The following LONRF3 variants were observed in gnomAD, a reference collection of about 807,000 sequenced individuals.
LONRF3 encodes LON peptidase N-terminal domain and RING finger protein 3.
In LONRF3, 19 loss-of-function variants were observed where a neutral mutation model predicts 51.7. That is an observed-to-expected ratio of 0.37 (90% CI 0.26 to 0.54). LONRF3 has a LOEUF of 0.54. Among genes scored for constraint, LONRF3 ranks in the 20% least tolerant of loss-of-function variants. The pLI is 0.86. For synonymous variants in LONRF3, 265 were observed against 257.8 expected (o/e 1.03, Z -0.27); for missense variants, 521 against 623.9 (o/e 0.84, Z 1.76).
Position 119,014,200 on chromosome X carries a change from C to G in LONRF3, c.1975-7C>G. 1 of 1,199,190 alleles carries G rather than the reference C, an allele frequency of 8.3e-7. No homozygotes were observed. Among genetic ancestry groups the G allele is most frequent in the Non-Finnish European group, 1.1e-6 (1 of 889,868 alleles). On this transcript the variant is annotated splice_region_variant and splice_polypyrimidine_tract_variant and intron_variant, in intron 9 of 10. Transcript: ENST00000371628. ...AGAATGTTTCACTTCCACTTTGATACTTTCAGGTTCAGGGAGAGGATTGTG... is the reference window on the plus strand; with the variant it reads ...AGAATGTTTCACTTCCACTTTGATAGTTTCAGGTTCAGGGAGAGGATTGTG...
chrX:118,993,962 C>A (rs1042133722), intron 5 of LONRF3, among the ~76,000 whole-genome samples: 6 of 112,020 alleles, frequency 5.4e-5, no homozygotes. Context: ...CATTTTCAGA[C>A]AAACAAATGC....
chrX:118,986,783 TG>T, intron 3 of LONRF3: 1 of 462,010 alleles, frequency 2.2e-6, no homozygotes, highest in Non-Finnish European at 3.6e-6. Flanking sequence ...TGCCCTGGTG[TG>T]GTGTGTTAGG....
rs1338660294 is a variant in LONRF3 at position 118,990,480 on chromosome X, T to C, written c.1335T>C (p.Thr445=). 8.3e-7 allele frequency: 1 copy of C among 1,209,836 alleles called. No individual in the cohort carries two copies. The highest frequency in any genetic ancestry group is 3.0e-5 in the East Asian group (1 of 33,852). Residue 445 remains threonine (T), a synonymous_variant, in exon 5 of 11, where the codon ACT becomes ACC. Transcript: ENST00000371628. Reference sequence around the variant, plus strand: ...CTTTCTAAATCGCAGATCCTCCCACTGATCAGGGGGACAAACCTGCTCTCA... The same window carrying C: ...CTTTCTAAATCGCAGATCCTCCCACCGATCAGGGGGACAAACCTGCTCTCA... The part of the protein sequence containing the change: ...PNKASKQDPP[T]DQGDKPALSL...
Position 118,978,273 on chromosome X carries a change from T to C in LONRF3, c.818-72T>C, listed in dbSNP as rs2147264692. ...AAACTTATCATTTGCTCAAGATCCA[T>C]ACTCATACAGGACTTAACACCTGCT... On this transcript the variant is annotated intron_variant, in intron 1 of 10. Coordinates refer to ENST00000371628, the MANE Select transcript of LONRF3 (RefSeq NM_001031855.3). 4.7e-6 allele frequency: 3 copies of C among 635,862 alleles called. No individual in the cohort carries two copies. In the East Asian group the frequency reaches 9.7e-5, roughly 21 times the overall value. The allele number at this position is 635,862 out of a possible 1,213,427, so 52.4% of individuals were successfully genotyped here.
At position 118,974,900 on chromosome X, in the gene LONRF3, G is replaced by T. The variant is rs755944086; in HGVS notation, c.120G>T (p.Lys40Asn). Reference protein sequence around the residue: ...AAQVDMGPHPKVAAEGPAPLP... With the variant: ...AAQVDMGPHPNVAAEGPAPLP... ...AAGTAGACATGGGCCCCCACCCAAA[G>T]GTGGCTGCAGAGGGCCCCGCACCTC... is the stretch of plus-strand genomic sequence containing the variant. The change falls in exon 1 of 11, where the codon AAG becomes AAT. Residue 40 changes from lysine to asparagine, a missense_variant. Transcript: ENST00000371628. The T allele has an allele frequency of 2.8e-5, 33 of 1,194,771 alleles. No homozygotes were observed. Among genetic ancestry groups the T allele is most frequent in the Non-Finnish European group, 3.7e-5 (33 of 887,557 alleles).
chrX:118,989,765 A>AGGCTCTGGGTGTGGGGCCC, intron 4 of LONRF3, 93 bp downstream of exon 4: 3 of 984,935 alleles, frequency 3.0e-6, no homozygotes, highest in Non-Finnish European at 4.1e-6. Context: ...GGGGCTCCTT[A>AGGCTCTGGGTGTGGGGCCC]GGCTCTGGGT....
intron 5 of LONRF3, among the ~76,000 whole-genome samples, chrX:119,005,664 C>T (rs1016642073): frequency 9.0e-6 from 1 of 111,638 alleles, no homozygotes; most frequent in African/African-American, 3.3e-5. Context: ...CGGTTTTTTT[C>T]CATGGTAATA....
intron 4 of LONRF3, among the ~76,000 whole-genome samples, chrX:118,990,260 T>C (rs942460749): frequency 6.3e-5 from 7 of 111,750 alleles, no homozygotes; most frequent in Non-Finnish European, 1.1e-4. Context: ...TTGACTTGCA[T>C]TTCTCTTTCT....
intron 6 of LONRF3, among the ~76,000 whole-genome samples, chrX:119,007,673 G>A (rs1420223773): frequency 2.7e-5 from 3 of 111,727 alleles, no homozygotes; most frequent in African/African-American, 6.5e-5. Context: ...CATCACCCCA[G>A]TATTTAAATT....
At chrX:118,999,027 G>A (rs188976057) in intron 5 of LONRF3, among the ~76,000 whole-genome samples, 1 of 112,439 alleles carries the variant, frequency 8.9e-6, no homozygotes, top group Non-Finnish European at 1.9e-5. Flanking sequence ...ATATTTCCTC[G>A]CCCTTTATGA....
chrX:119,000,100 T>G lies in LONRF3; in HGVS notation c.1416-6021T>G, dbSNP rs948407626. On this transcript the variant is annotated intron_variant, in intron 5 of 10. Coordinates refer to ENST00000371628, the MANE Select transcript of LONRF3 (RefSeq NM_001031855.3). ...TTTTGATTCCACCTCTCCAGTGTTTTTCTTCTCTTTCTTGTTGTTAGGAAT... is the reference window on the plus strand; with the variant it reads ...TTTTGATTCCACCTCTCCAGTGTTTGTCTTCTCTTTCTTGTTGTTAGGAAT... Among the ~76,000 whole-genome samples the G allele has an allele frequency of 2.7e-5, 3 of 112,155 alleles. No individual in the cohort carries two copies. The Admixed American group carries it at 2.8e-4, about 11-fold the overall frequency.
intron 5 of LONRF3, among the ~76,000 whole-genome samples, chrX:119,001,609 G>A (rs979906825): frequency 9.0e-6 from 1 of 111,475 alleles, no homozygotes; most frequent in Non-Finnish European, 1.9e-5. Flanking sequence ...GAAATGAATT[G>A]AGTATTGAAA....
At chrX:118,984,928 G>T (rs931138505) in intron 3 of LONRF3, among the ~76,000 whole-genome samples, 4 of 111,982 alleles carry the variant, frequency 3.6e-5, no homozygotes, top group African/African-American at 1.3e-4. Flanking sequence ...GAACTCACAG[G>T]CTGTGTTTCT....
chrX:118,998,373 ATTG>A (rs1924025255), intron 5 of LONRF3, among the ~76,000 whole-genome samples: 1 of 111,849 alleles, frequency 8.9e-6, no homozygotes, highest in South Asian at 3.8e-4. Flanking sequence ...AAAACTAAAC[ATTG>A]TATGTTCTCA....
intron 5 of LONRF3, among the ~76,000 whole-genome samples, chrX:119,002,210 AC>A (rs1159402873): frequency 8.9e-6 from 1 of 112,220 alleles, no homozygotes; most frequent in African/African-American, 3.2e-5. Context: ...TATTGCCAGG[AC>A]CCAAGAAGCT....
intron 5 of LONRF3, among the ~76,000 whole-genome samples, chrX:118,998,524 A>G (rs1056903394): frequency 1.8e-5 from 2 of 110,968 alleles, no homozygotes; most frequent in African/African-American, 6.6e-5. Context: ...TGCTCGGGTG[A>G]TGGTGCACCA....
At chrX:119,011,994 G>A (rs745651897) in intron 8 of LONRF3, 21 bp downstream of exon 8, 20 of 1,205,405 alleles carry the variant, frequency 1.7e-5, no homozygotes, top group Non-Finnish European at 7.8e-6. Flanking sequence ...AGCCATGCGA[G>A]CAAAGGGAGG....
intron 5 of LONRF3, among the ~76,000 whole-genome samples, chrX:119,002,179 C>T (rs761717095): frequency 8.9e-6 from 1 of 112,197 alleles, no homozygotes; most frequent in African/African-American, 3.2e-5. Context: ...TATGTAACCC[C>T]TCTCAGTTCA....
chrX:118,991,623 T>C (rs1458691977), intron 5 of LONRF3, among the ~76,000 whole-genome samples: 1 of 112,129 alleles, frequency 8.9e-6, no homozygotes, highest in African/African-American at 3.2e-5. Flanking sequence ...TTTTTAAAAT[T>C]GCTTACATGT....
Sources: allele counts gnomAD v4.1 joint callset (sites outside exome capture counted in the v4.1 genomes callset), GRCh38; gene constraint gnomAD v4.1.1; transcripts MANE v1.5; gene names NCBI Gene and HGNC (gene_info 2026-07-23, HGNC 2026-07-21).